SVIL: variants seen among roughly 807,000 people sequenced by gnomAD.
SVIL encodes the protein supervillin.
SVIL carries 101 observed loss-of-function variants against 240.4 expected under a neutral mutation model. The observed-to-expected ratio is 0.42, with a 90% CI of 0.36 to 0.50. The LOEUF (loss-of-function observed/expected upper bound fraction) is 0.50, where lower values mean the gene tolerates loss of function less well. SVIL is among the 20% of genes least tolerant of loss of function. The pLI, the probability that SVIL is intolerant of heterozygous loss-of-function variation, is 0.01. For synonymous variants in SVIL, 999 were observed against 1,100.0 expected, an observed-to-expected ratio of 0.91 and a Z score of 1.82; for missense variants, 2,512 against 2,818.7, an observed-to-expected ratio of 0.89 and a Z score of 2.46.
intron 7 of SVIL, among the ~76,000 whole-genome samples, chr10:29,533,946 G>A (rs538031706): frequency 6.6e-6 from 1 of 152,270 alleles, no homozygotes; most frequent in African/African-American, 2.4e-5. Flanking sequence ...GAGCACTCAC[G>A]ATTATTTATG....
intron 2 of SVIL, among the ~76,000 whole-genome samples, chr10:29,683,305 C>T (rs1195186473): frequency 1.3e-5 from 2 of 152,060 alleles, no homozygotes; most frequent in Non-Finnish European, 2.9e-5. Context: ...TTGTGGAGAC[C>T]AGGGTGTTAG....
chr10:29,506,059 T>C (rs1417751922), intron 17 of SVIL, among the ~76,000 whole-genome samples: 2 of 152,208 alleles, frequency 1.3e-5, no homozygotes, highest in Non-Finnish European at 2.9e-5. Context: ...TGTTCTGCTG[T>C]ATTGGTTTTT....
At chr10:29,648,548 G>A (rs1305171512) in intron 3 of SVIL, among the ~76,000 whole-genome samples, 1 of 152,206 alleles carries the variant, frequency 6.6e-6, no homozygotes, top group Non-Finnish European at 1.5e-5. Context: ...ATCATGATGA[G>A]CAGCCAATGC....
chr10:29,506,636 GAGGGAGGGGACAGAGGCCC>G (rs1949304518), intron 17 of SVIL, among the ~76,000 whole-genome samples: 8 of 147,534 alleles, frequency 5.4e-5, no homozygotes, highest in South Asian at 4.4e-4. Context: ...AGAGGCCCTA[GAGGGAGGGGACAGAGGCCC>G]TGGAGGGAGG....
At chr10:29,524,802 A>G (rs1434159007) in intron 13 of SVIL, 87 bp from the exon 14 acceptor site, 1 of 1,570,424 alleles carries the variant, frequency 6.4e-7, no homozygotes, top group Non-Finnish European at 8.6e-7. Context: ...GCCAAGTGTC[A>G]CATCATTTTG....
intron 2 of SVIL, among the ~76,000 whole-genome samples, chr10:29,683,072 G>A (rs1960789081): frequency 6.6e-6 from 1 of 152,220 alleles, no homozygotes; most frequent in African/African-American, 2.4e-5. Context: ...CTACAACTTG[G>A]CTTTATAGAT....
chr10:29,524,966 G>GT (rs1269102845), intron 13 of SVIL, among the ~76,000 whole-genome samples: 3 of 152,078 alleles, frequency 2.0e-5, no homozygotes, highest in African/African-American at 7.2e-5. Flanking sequence ...CGAATTTCCT[G>GT]TTTAAGACAT....
intron 17 of SVIL, among the ~76,000 whole-genome samples, chr10:29,507,377 G>T (rs1949445202): frequency 6.6e-6 from 1 of 152,190 alleles, no homozygotes; most frequent in African/African-American, 2.4e-5. Context: ...CCAGTTTCAT[G>T]ACTACGAGGT....
At chr10:29,471,283 G>A in intron 30 of SVIL, 40 bp from the exon 31 acceptor site, 2 of 1,487,926 alleles carry the variant, frequency 1.3e-6, no homozygotes, top group South Asian at 2.5e-5. Flanking sequence ...AGGGGCGCGG[G>A]GCTTTCAAAG....
chr10:29,492,646 T>C (rs181033628), intron 21 of SVIL, among the ~76,000 whole-genome samples: 17 of 152,288 alleles, frequency 1.1e-4, no homozygotes, highest in Non-Finnish European at 2.1e-4. Flanking sequence ...GGACTCCTAA[T>C]ACCATAATCA....
rs11007715 is a variant in SVIL at position 29,725,268 on chromosome 10, G to T, written c.-400+10483C>A. Among the ~76,000 whole-genome samples, 10 of 152,038 alleles carry T rather than the reference G, an allele frequency of 6.6e-5. No homozygotes were observed. In the East Asian group the frequency reaches 1.9e-3, roughly 30 times the overall value. On this transcript the variant is annotated intron_variant, in intron 1 of 35. Transcript: ENST00000375400. Reference sequence around the variant, plus strand: ...AGAGGACCGCTCTTGTGTCCTCAAGGGTTCCTTTTGGAAAAGGGCAGGATC... The same window carrying T: ...AGAGGACCGCTCTTGTGTCCTCAAGTGTTCCTTTTGGAAAAGGGCAGGATC...
chr10:29,669,711 C>A (rs1277543500), intron 2 of SVIL, among the ~76,000 whole-genome samples: 1 of 152,046 alleles, frequency 6.6e-6, no homozygotes, highest in Non-Finnish European at 1.5e-5. Context: ...ACGAAGGTGC[C>A]GTTGATGGAG....
At chr10:29,474,636 A>T (rs1182411163) in intron 29 of SVIL, among the ~76,000 whole-genome samples, 1 of 144,810 alleles carries the variant, frequency 6.9e-6, no homozygotes, top group African/African-American at 2.5e-5. Flanking sequence ...TAAATAAATA[A>T]ATAAATAAAG....
intron 2 of SVIL, among the ~76,000 whole-genome samples, chr10:29,660,649 G>A (rs551300497): frequency 6.6e-6 from 1 of 152,176 alleles, no homozygotes; most frequent in South Asian, 2.1e-4. Context: ...AAGAAGAAAG[G>A]GCAGAATAGA....
At chr10:29,709,167 A>G (rs1008821528) in intron 1 of SVIL, among the ~76,000 whole-genome samples, 3 of 152,214 alleles carry the variant, frequency 2.0e-5, no homozygotes, top group Admixed American at 6.5e-5. Flanking sequence ...CCCTTATCCA[A>G]AATGCTTGAG....
chr10:29,637,806 C>T (rs992625567), upstream of SVIL, among the ~76,000 whole-genome samples: 9 of 152,224 alleles, frequency 5.9e-5, no homozygotes, highest in Non-Finnish European at 1.0e-4. Context: ...GTACGTTCCA[C>T]GACCTGGATA....
chr10:29,708,480 G>A (rs1208309176), intron 1 of SVIL, among the ~76,000 whole-genome samples: 2 of 151,920 alleles, frequency 1.3e-5, no homozygotes, highest in South Asian at 2.1e-4. Flanking sequence ...AATTAGCCAG[G>A]CGTGGTGGCG....
At chr10:29,465,780 A>C in intron 33 of SVIL, 30 bp from the exon 34 acceptor site, 1 of 1,605,332 alleles carries the variant, frequency 6.2e-7, no homozygotes, top group East Asian at 2.2e-5. Context: ...AAAGCTGAAG[A>C]TATCATGTGC....
At chr10:29,560,769 C>T (rs983616835) in intron 3 of SVIL, among the ~76,000 whole-genome samples, 1 of 151,222 alleles carries the variant, frequency 6.6e-6, no homozygotes, top group Non-Finnish European at 1.5e-5. Context: ...CTATTTTTTT[C>T]ATAAAAAGCA....
Sources: allele counts gnomAD v4.1 joint callset (sites outside exome capture counted in the v4.1 genomes callset), GRCh38; gene constraint gnomAD v4.1.1; transcripts MANE v1.5; gene names NCBI Gene and HGNC (gene_info 2026-07-23, HGNC 2026-07-21).